ASPRV1: variants seen among roughly 807,000 people sequenced by gnomAD.
The protein encoded by ASPRV1 is retroviral-like aspartic protease 1.
ASPRV1 carries 7 observed loss-of-function variants against 11.0 expected under a neutral mutation model. The ratio of observed to expected loss-of-function variants is 0.64; its 90% CI spans 0.36 to 1.20. The LOEUF is 1.20. Ranked by LOEUF, ASPRV1 falls within the 50% of genes most tolerant of loss-of-function variation. The pLI is 0.02. For missense variants in ASPRV1, 299 were observed against 320.0 expected (o/e 0.93, Z 0.50); for synonymous variants, 136 against 138.4 (o/e 0.98, Z 0.12).
the ASPRV1 span, among the ~76,000 whole-genome samples, chr2:69,968,099 A>G: frequency 6.6e-6 from 1 of 152,122 alleles, no homozygotes. Context: ...TAAAAAATAA[A>G]AATAATTTCC....
At chr2:69,989,476 G>T in the ASPRV1 span, among the ~76,000 whole-genome samples, 2 of 152,212 alleles carry the variant, frequency 1.3e-5, no homozygotes, top group African/African-American at 4.8e-5. Context: ...TAAGGCCCAG[G>T]AATGGGGGGC....
At chr2:70,072,629 G>A in the ASPRV1 span, among the ~76,000 whole-genome samples, 1 of 152,016 alleles carries the variant, frequency 6.6e-6, no homozygotes, top group African/African-American at 2.4e-5. Context: ...GGCTGAGGCA[G>A]GAGAATCACT....
At chr2:69,966,355 C>T (rs558729809), upstream of ASPRV1, among the ~76,000 whole-genome samples, 1 of 152,276 alleles carries the variant, frequency 6.6e-6, no homozygotes, top group Non-Finnish European at 1.5e-5. Flanking sequence ...CTGGTGCCCC[C>T]ACCCTAGACC....
chr2:69,962,196 GAGGACAC>G (rs1214826113), upstream of ASPRV1: 13 of 81,188 alleles, frequency 1.6e-4, no homozygotes, highest in African/African-American at 7.4e-4. Context: ...TTAAGTGAGT[GAGGACAC>G]ACACACACAC....
the ASPRV1 span, among the ~76,000 whole-genome samples, chr2:70,066,892 T>TA: frequency 2.6e-5 from 4 of 152,130 alleles, no homozygotes; most frequent in Admixed American, 6.6e-5. Context: ...GCCTGGCCCA[T>TA]TCTTCCATTT....
chr2:70,066,926 T>G, the ASPRV1 span, among the ~76,000 whole-genome samples: 6 of 152,136 alleles, frequency 3.9e-5, no homozygotes, highest in African/African-American at 1.4e-4. Flanking sequence ...CTGGCTGTAG[T>G]GTGGAGACTG....
chr2:70,046,827 A>C, the ASPRV1 span: 1 of 152,192 alleles, frequency 6.6e-6, no homozygotes, highest in East Asian at 1.9e-4. Context: ...ACAACAACAA[A>C]TATTTTAAGT....
the ASPRV1 span, chr2:70,063,786 A>C: frequency 2.0e-5 from 3 of 152,148 alleles, no homozygotes; most frequent in African/African-American, 7.2e-5. Flanking sequence ...TATAATCCAA[A>C]AGCTGGTTCC....
downstream of ASPRV1, among the ~76,000 whole-genome samples, chr2:69,957,459 C>A (rs1416701455): frequency 6.6e-6 from 1 of 150,952 alleles, no homozygotes; most frequent in African/African-American, 2.4e-5. Flanking sequence ...AAAGAATTAT[C>A]TAGTATGGTC....
At chr2:69,936,555 A>G in the ASPRV1 span, among the ~76,000 whole-genome samples, 1 of 152,226 alleles carries the variant, frequency 6.6e-6, no homozygotes, top group Middle Eastern at 3.2e-3. Context: ...GCCTGCATTC[A>G]TGACAATTCT....
At chr2:70,032,504 A>AAG in the ASPRV1 span, among the ~76,000 whole-genome samples, 9 of 152,236 alleles carry the variant, frequency 5.9e-5, no homozygotes, top group African/African-American at 2.2e-4. Context: ...AAAAAAAAAA[A>AAG]AAAATGATCT....
At chr2:69,951,207 C>T in the ASPRV1 span, among the ~76,000 whole-genome samples, 25,674 of 151,534 alleles carry the variant, frequency 0.17, 2,771 homozygotes, top group East Asian at 0.29. Flanking sequence ...AGGCAGATCG[C>T]GAGGTCAAGA....
chr2:70,060,618 G>C, the ASPRV1 span, among the ~76,000 whole-genome samples: 2 of 152,010 alleles, frequency 1.3e-5, no homozygotes, highest in Non-Finnish European at 2.9e-5. Context: ...TTTGAGACCA[G>C]CCTGACCACC....
chr2:70,053,437 T>A, the ASPRV1 span, among the ~76,000 whole-genome samples: 4 of 152,164 alleles, frequency 2.6e-5, no homozygotes, highest in Non-Finnish European at 5.9e-5. Context: ...ATTTCTCACA[T>A]ACTCTCTGTC....
At chr2:70,001,235 C>T in the ASPRV1 span, among the ~76,000 whole-genome samples, 1 of 152,016 alleles carries the variant, frequency 6.6e-6, no homozygotes, top group Non-Finnish European at 1.5e-5. Context: ...TAGCAGAAGT[C>T]TTTCTGAAAC....
At chr2:69,997,301 C>A in the ASPRV1 span, among the ~76,000 whole-genome samples, 2 of 152,196 alleles carry the variant, frequency 1.3e-5, no homozygotes, top group African/African-American at 4.8e-5. Context: ...CTTTATCCAT[C>A]TCCTCCGCAC....
chr2:69,936,977 G>C, the ASPRV1 span: 3 of 599,216 alleles, frequency 5.0e-6, no homozygotes, highest in Non-Finnish European at 9.7e-6. Flanking sequence ...GGCTACCAGG[G>C]TGCCAGTATG....
the ASPRV1 span, among the ~76,000 whole-genome samples, chr2:69,967,528 A>G: frequency 6.6e-6 from 1 of 152,244 alleles, no homozygotes; most frequent in African/African-American, 2.4e-5. Flanking sequence ...AGAATGAGTT[A>G]GTGCATGTGG....
chr2:69,959,400 C>G (rs1318734810), downstream of ASPRV1, among the ~76,000 whole-genome samples: 1 of 152,066 alleles, frequency 6.6e-6, no homozygotes, highest in Non-Finnish European at 1.5e-5. Flanking sequence ...CCACTCAGCT[C>G]CTCCCTTTGA....
Sources: allele counts gnomAD v4.1 joint callset (sites outside exome capture counted in the v4.1 genomes callset), GRCh38; gene constraint gnomAD v4.1.1; transcripts MANE v1.5; gene names NCBI Gene and HGNC (gene_info 2026-07-23, HGNC 2026-07-21).